Variants in ITGB6 observed in about 807,000 individuals in gnomAD.
ITGB6 encodes integrin beta-6.
In ITGB6, 80 loss-of-function variants were observed where a neutral mutation model predicts 84.5. The observed-to-expected ratio is 0.95, with a 90% CI of 0.79 to 1.14. ITGB6 has a LOEUF of 1.14. Ranked by LOEUF, ITGB6 falls within the 50% of genes most tolerant of loss-of-function variation. ITGB6 has a pLI of 0.00. For synonymous variants in ITGB6, 383 were observed against 354.9 expected, an observed-to-expected ratio of 1.08 and a Z score of -0.89; for missense variants, 1,006 against 968.0, an observed-to-expected ratio of 1.04 and a Z score of -0.52.
intron 12 of ITGB6, among the ~76,000 whole-genome samples, chr2:160,116,642 G>A (rs1682782852): frequency 6.6e-6 from 1 of 152,064 alleles, no homozygotes; most frequent in Non-Finnish European, 1.5e-5. Flanking sequence ...CATAATGACA[G>A]GACCAAATTC....
chr2:160,136,602 G>A (rs548613702), intron 10 of ITGB6, among the ~76,000 whole-genome samples: 14 of 152,276 alleles, frequency 9.2e-5, no homozygotes, highest in East Asian at 3.9e-4. Flanking sequence ...ACATGCACAC[G>A]TATGTTTATT....
chr2:160,181,704 C>T (rs901153959), intron 4 of ITGB6, among the ~76,000 whole-genome samples: 2 of 152,160 alleles, frequency 1.3e-5, no homozygotes, highest in African/African-American at 4.8e-5. Flanking sequence ...GAGACACATC[C>T]CAGCAGGGAT....
chr2:160,141,915 TA>T, intron 8 of ITGB6, 66 bp downstream of exon 8: 1 of 1,020,846 alleles, frequency 9.8e-7, no homozygotes, highest in Non-Finnish European at 1.5e-6. Context: ...TTTAACTGCC[TA>T]AATCACATCT....
intron 10 of ITGB6, among the ~76,000 whole-genome samples, chr2:160,126,861 A>C (rs148034871): frequency 7.9e-4 from 121 of 152,326 alleles, no homozygotes; most frequent in African/African-American, 2.8e-3. Flanking sequence ...ACCATAAATA[A>C]AAATATAAGC....
intron 12 of ITGB6, among the ~76,000 whole-genome samples, chr2:160,115,164 A>G (rs4664316): frequency 0.2 from 29,691 of 152,156 alleles, 3,185 homozygotes; most frequent in Admixed American, 0.32. Context: ...CTCCCAGCAC[A>G]CAGCTGGAGA....
chr2:160,154,292 A>G (rs921141098), intron 7 of ITGB6, among the ~76,000 whole-genome samples: 3 of 152,182 alleles, frequency 2.0e-5, no homozygotes, highest in Non-Finnish European at 4.4e-5. Flanking sequence ...AGGGACATGG[A>G]TGAAGCTGGA....
At chr2:160,164,226 T>A (rs1209882321) in intron 7 of ITGB6, among the ~76,000 whole-genome samples, 1 of 152,182 alleles carries the variant, frequency 6.6e-6, no homozygotes, top group Non-Finnish European at 1.5e-5. Context: ...GTCTTATTCT[T>A]CTCTATAGTC....
intron 10 of ITGB6, among the ~76,000 whole-genome samples, chr2:160,134,423 A>G (rs1359221185): frequency 6.6e-6 from 1 of 152,236 alleles, no homozygotes; most frequent in Non-Finnish European, 1.5e-5. Context: ...ATAGCTTACC[A>G]ACCAAAAACA....
intron 10 of ITGB6, among the ~76,000 whole-genome samples, chr2:160,136,697 T>C (rs902924876): frequency 2.0e-5 from 3 of 152,210 alleles, no homozygotes; most frequent in African/African-American, 7.2e-5. Flanking sequence ...GTGGCACATA[T>C]ACGCCATGGA....
chr2:160,171,635 C>G (rs776883947), intron 6 of ITGB6, among the ~76,000 whole-genome samples: 5 of 152,168 alleles, frequency 3.3e-5, no homozygotes, highest in African/African-American at 4.8e-5. Context: ...TGCCCGGCCT[C>G]TATTTCATAC....
chr2:160,122,710 C>T (rs1347757104), intron 12 of ITGB6, among the ~76,000 whole-genome samples: 1 of 152,164 alleles, frequency 6.6e-6, no homozygotes, highest in Non-Finnish European at 1.5e-5. Context: ...GTTTTATGAG[C>T]ACATATCATG....
chr2:160,135,571 AC>A (rs1395817788), intron 10 of ITGB6, among the ~76,000 whole-genome samples: 1 of 152,000 alleles, frequency 6.6e-6, no homozygotes, highest in African/African-American at 2.4e-5. Context: ...TTCATATGGA[AC>A]CAAAAAAGAG....
At chr2:160,123,140 T>A in intron 12 of ITGB6, among the ~76,000 whole-genome samples, 1 of 152,220 alleles carries the variant, frequency 6.6e-6, no homozygotes, top group East Asian at 1.9e-4. Flanking sequence ...GGTGAAACTT[T>A]GCCACTAGAC....
chr2:160,177,159 T>C (rs1241143683), intron 4 of ITGB6, among the ~76,000 whole-genome samples: 1 of 152,220 alleles, frequency 6.6e-6, no homozygotes, highest in Non-Finnish European at 1.5e-5. Flanking sequence ...TTAATTTTCA[T>C]TTTATTATTA....
At chr2:160,106,316 G>T (rs1696905085) in intron 14 of ITGB6, among the ~76,000 whole-genome samples, 1 of 152,062 alleles carries the variant, frequency 6.6e-6, no homozygotes, top group Admixed American at 6.6e-5. Context: ...ATGGCTCACT[G>T]CAGCCTTGAC....
intron 7 of ITGB6, among the ~76,000 whole-genome samples, chr2:160,157,748 C>CGA (rs36008580): frequency 2.4e-5 from 2 of 84,146 alleles, no homozygotes; most frequent in Admixed American, 2.8e-4. Flanking sequence ...AGCACAGAGG[C>CGA]AAAAAAAAAA....
intron 7 of ITGB6, among the ~76,000 whole-genome samples, chr2:160,165,729 A>G (rs1684978078): frequency 6.6e-6 from 1 of 152,186 alleles, no homozygotes. Context: ...GTACTTGCTC[A>G]GGGTGTTCCT....
chr2:160,155,906 A>G (rs1283248057), intron 7 of ITGB6, among the ~76,000 whole-genome samples: 2 of 152,228 alleles, frequency 1.3e-5, no homozygotes, highest in Non-Finnish European at 2.9e-5. Flanking sequence ...CTTCACTAGA[A>G]TGGCTAAAAT....
chr2:160,128,764 G>A (rs1056247773), intron 10 of ITGB6, among the ~76,000 whole-genome samples: 46 of 152,150 alleles, frequency 3.0e-4, no homozygotes, highest in Non-Finnish European at 8.8e-5. Flanking sequence ...CTAGCTCATG[G>A]TCACTGCCGT....
Sources: allele counts gnomAD v4.1 joint callset (sites outside exome capture counted in the v4.1 genomes callset), GRCh38; gene constraint gnomAD v4.1.1; transcripts MANE v1.5; gene names NCBI Gene and HGNC (gene_info 2026-07-23, HGNC 2026-07-21).